The following MTUS2 variants were observed in gnomAD, a reference collection of about 807,000 sequenced individuals.
MTUS2 encodes microtubule associated scaffold protein 2, also known as microtubule-associated tumor suppressor candidate 2.
Under a neutral mutation model 114.1 loss-of-function variants are expected in MTUS2, and 40 were observed. The observed-to-expected ratio is 0.35, with a 90% CI of 0.27 to 0.46. MTUS2 has a LOEUF of 0.46. MTUS2 is among the 20% of genes least tolerant of loss of function. MTUS2 has a pLI of 1.00. For synonymous variants in MTUS2, 688 were observed against 672.0 expected, an observed-to-expected ratio of 1.02 and a Z score of -0.37; for missense variants, 1,679 against 1,705.4, an observed-to-expected ratio of 0.98 and a Z score of 0.27.
At position 28,926,287 on chromosome 13, in the gene MTUS2, A is replaced by T. The variant is rs560763862; in HGVS notation, c.-243+86437A>T. Among the ~76,000 whole-genome samples the T allele has an allele frequency of 3.3e-5, 5 of 152,360 alleles. No individual in the cohort carries two copies. The East Asian group carries it at 9.6e-4, about 29-fold the overall frequency. ...GATGTTAATACCAGATGAGTAATAA[A>T]AAATCAATTAAAATCCTTTAGGGAA... On this transcript the variant is annotated intron_variant, in intron 2 of 15. Coordinates refer to ENST00000612955, the MANE Select transcript of MTUS2 (RefSeq NM_001033602.4).
chr13:28,895,831 C>G (rs1165282409), intron 2 of MTUS2, among the ~76,000 whole-genome samples: 1 of 152,158 alleles, frequency 6.6e-6, no homozygotes, highest in Non-Finnish European at 1.5e-5. Flanking sequence ...CTTAGTTGCA[C>G]AGCCACATTT....
chr13:29,105,333 A>C (rs985992723), intron 5 of MTUS2, among the ~76,000 whole-genome samples: 2 of 152,204 alleles, frequency 1.3e-5, no homozygotes, highest in Admixed American at 1.3e-4. Flanking sequence ...GGAAAATAGG[A>C]TGACTTAGGT....
chr13:29,371,218 A>AC (rs58312532), intron 8 of MTUS2, among the ~76,000 whole-genome samples: 2,918 of 101,140 alleles, frequency 0.029, 58 homozygotes, highest in Admixed American at 0.056. Context: ...CACATTAACC[A>AC]CCCCCCCCCC....
At position 29,407,485 on chromosome 13, in the gene MTUS2, T is replaced by C. The variant is rs955653306; in HGVS notation, c.3118-32498T>C. 1.3e-3 allele frequency among the ~76,000 whole-genome samples: 179 copies of C among 138,810 alleles called. 1 individual carries two copies. Among genetic ancestry groups the C allele is most frequent in the African/African-American group, 4.7e-3 (175 of 37,016 alleles). The allele number at this position is 138,810 out of a possible 152,430, so 91.1% of individuals were successfully genotyped here. A position where few individuals can be genotyped will look rare whatever the true frequency, so the allele number is the denominator to read the frequency against. ...TTATTTATTTATTTATTTATTTATT[T>C]ATTTATTTTGAGATGGAGTTTCGCT... On this transcript the variant is annotated intron_variant, in intron 8 of 15. Coordinates refer to ENST00000612955, the MANE Select transcript of MTUS2 (RefSeq NM_001033602.4).
At chr13:28,904,907 G>C (rs1030691739) in intron 2 of MTUS2, among the ~76,000 whole-genome samples, 12 of 151,608 alleles carry the variant, frequency 7.9e-5, no homozygotes, top group Admixed American at 2.6e-4. Context: ...TCTTCCATTT[G>C]TTTGTATCCT....
intron 9 of MTUS2, among the ~76,000 whole-genome samples, chr13:29,468,071 A>G (rs1458268226): frequency 6.6e-6 from 1 of 151,858 alleles, no homozygotes; most frequent in African/African-American, 2.4e-5. Flanking sequence ...TTGAGCTATG[A>G]TCACACCACT....
chr13:29,338,559 C>T (rs1219599330), intron 7 of MTUS2, among the ~76,000 whole-genome samples: 2 of 151,932 alleles, frequency 1.3e-5, no homozygotes, highest in African/African-American at 4.8e-5. Flanking sequence ...CATTGCACTA[C>T]AGCCTGGGCG....
chr13:29,396,378 C>A (rs532807105), intron 8 of MTUS2, among the ~76,000 whole-genome samples: 34 of 152,198 alleles, frequency 2.2e-4, no homozygotes, highest in African/African-American at 7.0e-4. Context: ...ATCAGCTGAG[C>A]CTAGACTAGT....
chr13:29,365,295 T>C (rs1162330063), intron 8 of MTUS2, among the ~76,000 whole-genome samples: 2 of 152,126 alleles, frequency 1.3e-5, no homozygotes, highest in Non-Finnish European at 2.9e-5. Context: ...TCATGGTCAG[T>C]GGAAAATGAA....
rs1298620017 is a variant in MTUS2, at chr13:29,025,975, C to T, written c.1277C>T (p.Thr426Ile). 9 of 1,613,896 alleles carry T rather than the reference C, an allele frequency of 5.6e-6. No individual in the cohort carries two copies. Among genetic ancestry groups the T allele is most frequent in the East Asian group, 2.2e-5 (1 of 44,894 alleles). ...PCAGEKLGER[T>I]SSSFSPGDSH... ...GCAGGTGAGAAGTTGGGTGAAAGGA[C>T]ATCCAGCAGCTTTTCACCAGGTGAC... The change falls in exon 3 of 16, where the codon ACA becomes ATA. Residue 426 changes from threonine to isoleucine, a missense_variant. Physicochemically the swap from Thr to Ile is moderately conservative, Grantham distance 89. Coordinates refer to ENST00000612955, the MANE Select transcript of MTUS2 (RefSeq NM_001033602.4).
rs543953967 is a variant in MTUS2 at position 29,475,457 on chromosome 13, G to T, written c.3185-4693G>T. Reference sequence around the variant, plus strand: ...TTTACTGCAAAACATCCTCAGGCAGGTCCTTCAGGAGGTACTGCCGAAGAA... The same window carrying T: ...TTTACTGCAAAACATCCTCAGGCAGTTCCTTCAGGAGGTACTGCCGAAGAA... On this transcript the variant is annotated intron_variant, in intron 9 of 15. Transcript: ENST00000612955. Among the ~76,000 whole-genome samples the T allele has an allele frequency of 1.6e-4, 25 of 152,226 alleles. 2 individuals carry two copies. In the South Asian group the frequency reaches 4.1e-3, roughly 25 times the overall value.
chr13:29,349,765 G>C (rs986172287), intron 7 of MTUS2, among the ~76,000 whole-genome samples: 1 of 152,028 alleles, frequency 6.6e-6, no homozygotes, highest in African/African-American at 2.4e-5. Flanking sequence ...TACATAATGT[G>C]TCTTTTTTCT....
chr13:29,267,539 C>T (rs1255184876), intron 5 of MTUS2, among the ~76,000 whole-genome samples: 3 of 152,188 alleles, frequency 2.0e-5, no homozygotes, highest in Admixed American at 6.5e-5. Context: ...GAGCTATCAG[C>T]AGTTGTTTAT....
chr13:29,134,595 A>C (rs1430902836), intron 5 of MTUS2, among the ~76,000 whole-genome samples: 1 of 151,864 alleles, frequency 6.6e-6, no homozygotes, highest in South Asian at 2.1e-4. Context: ...CTTCTGTATC[A>C]CGCTTTATTT....
chr13:29,483,711 C>T lies in MTUS2; in HGVS notation c.3399+3347C>T, dbSNP rs1319457890. Among the ~76,000 whole-genome samples the T allele has an allele frequency of 3.3e-5, 5 of 152,136 alleles. No homozygotes were observed. The East Asian group carries it at 9.6e-4, about 29-fold the overall frequency. ...TGGCTTTCTTAAGTGAGTTTAAAGA[C>T]AAGGTATAACTCTTATTTTAAAGGT... On this transcript the variant is annotated intron_variant, in intron 10 of 15. Transcript: ENST00000612955.
chr13:29,267,465 T>A (rs1311410484), intron 5 of MTUS2, among the ~76,000 whole-genome samples: 1 of 152,220 alleles, frequency 6.6e-6, no homozygotes, highest in Non-Finnish European at 1.5e-5. Flanking sequence ...TGCTGCAATG[T>A]AAGTTATGTG....
chr13:28,897,193 A>G (rs921356283), intron 2 of MTUS2, among the ~76,000 whole-genome samples: 2 of 152,218 alleles, frequency 1.3e-5, no homozygotes, highest in African/African-American at 4.8e-5. Flanking sequence ...AATGAACTCA[A>G]ACAAATTTAC....
intron 2 of MTUS2, among the ~76,000 whole-genome samples, chr13:28,933,795 C>T (rs767915948): frequency 6.6e-6 from 1 of 152,294 alleles, no homozygotes; most frequent in Non-Finnish European, 1.5e-5. Context: ...CACAATTGTC[C>T]GTTCCAGAGA....
chr13:28,954,131 GA>G (rs1882949667), intron 2 of MTUS2, among the ~76,000 whole-genome samples: 1 of 152,056 alleles, frequency 6.6e-6, no homozygotes, highest in African/African-American at 2.4e-5. Flanking sequence ...AATTTCAGGG[GA>G]AAAAAGAATT....
Sources: allele counts gnomAD v4.1 joint callset (sites outside exome capture counted in the v4.1 genomes callset), GRCh38; gene constraint gnomAD v4.1.1; transcripts MANE v1.5; gene names NCBI Gene and HGNC (gene_info 2026-07-23, HGNC 2026-07-21).